Variants in SCN8A observed in about 807,000 individuals in gnomAD.
SCN8A encodes sodium voltage-gated channel alpha subunit 8.
SCN8A carries 30 observed loss-of-function variants against 184.1 expected under a neutral mutation model. The observed-to-expected ratio is 0.16, with a 90% CI of 0.12 to 0.22. The LOEUF (loss-of-function observed/expected upper bound fraction) is 0.22, where lower values mean the gene tolerates loss of function less well. SCN8A is among the 10% of genes least tolerant of loss of function. The probability of loss-of-function intolerance (pLI) is 1.00; values close to 1 mark genes in which losing one functional copy is unlikely to be tolerated. For synonymous variants in SCN8A, 852 were observed against 907.0 expected (o/e 0.94, Z 1.09); for missense variants, 1,057 against 2,498.9 (o/e 0.42, Z 12.30).
chr12:51,764,020 T>C (rs1942800723), intron 15 of SCN8A, among the ~76,000 whole-genome samples: 1 of 152,164 alleles, frequency 6.6e-6, no homozygotes, highest in South Asian at 2.1e-4. Flanking sequence ...CAGTGGACTT[T>C]TTTGAGAATA....
chr12:51,623,155 C>G (rs1939999468), intron 1 of SCN8A, among the ~76,000 whole-genome samples: 1 of 151,972 alleles, frequency 6.6e-6, no homozygotes, highest in Non-Finnish European at 1.5e-5. Flanking sequence ...TCTAAAGAGC[C>G]CTAGTTCTTT....
At chr12:51,700,475 G>T (rs193097263) in intron 7 of SCN8A, among the ~76,000 whole-genome samples, 16 of 152,240 alleles carry the variant, frequency 1.1e-4, no homozygotes, top group Non-Finnish European at 2.2e-4. Context: ...TATTGCAGTC[G>T]ATCTAGTCTA....
intron 25 of SCN8A, among the ~76,000 whole-genome samples, chr12:51,791,743 G>T (rs983138515): frequency 6.6e-6 from 1 of 152,108 alleles, no homozygotes; most frequent in Admixed American, 6.5e-5. Flanking sequence ...GCTGGGCGTG[G>T]TTATGTGTAC....
chr12:51,721,903 C>G lies in SCN8A; in HGVS notation c.1993C>G (p.Pro665Ala), dbSNP rs1001305322. The G allele has an allele frequency of 6.2e-7, 1 of 1,600,138 alleles. No individual in the cohort carries two copies. Among genetic ancestry groups the G allele is most frequent in the Admixed American group, 1.7e-5 (1 of 60,026 alleles). The change falls in exon 12 of 27, where the codon CCA (proline) becomes GCA (alanine). Residue 665 changes from proline to alanine, a missense_variant. This residue lies in a region of SCN8A where 322 missense variants were observed against 390.1 expected (regional missense o/e 0.83). Coordinates refer to ENST00000627620, the MANE Select transcript of SCN8A (RefSeq NM_001330260.2). ...PGSHIGGRLL[P>A]EATTEVEIKK... ...CTCCCACATCGGCGGGCGTCTCCTG[C>G]CAGAGGTGAAAATTGATAAGGCAGC...
At chr12:51,617,002 G>A (rs984618578) in intron 1 of SCN8A, among the ~76,000 whole-genome samples, 1 of 151,680 alleles carries the variant, frequency 6.6e-6, no homozygotes. Flanking sequence ...TTCCCTATGT[G>A]TAATGTATCC....
intron 6 of SCN8A, among the ~76,000 whole-genome samples, chr12:51,693,772 G>A (rs1941549430): frequency 6.6e-6 from 1 of 152,168 alleles, no homozygotes; most frequent in Non-Finnish European, 1.5e-5. Flanking sequence ...CAGGGCAGTT[G>A]TTCTTTCCCT....
At chr12:51,745,829 G>GA in intron 12 of SCN8A, 74 bp from the exon 13 acceptor site, 3 of 1,269,136 alleles carry the variant, frequency 2.4e-6, no homozygotes, top group Middle Eastern at 2.0e-4. Context: ...ACTGGACTGT[G>GA]TATCAAGTAA....
At chr12:51,599,291 A>C (rs1256557911) in intron 1 of SCN8A, among the ~76,000 whole-genome samples, 1 of 152,214 alleles carries the variant, frequency 6.6e-6, no homozygotes, top group Non-Finnish European at 1.5e-5. Context: ...TTGATGATTA[A>C]AAAGTTGGAA....
At chr12:51,680,427 T>G (rs1274683001) in intron 2 of SCN8A, among the ~76,000 whole-genome samples, 4 of 152,182 alleles carry the variant, frequency 2.6e-5, no homozygotes, top group Non-Finnish European at 5.9e-5. Context: ...TGATCCTAAT[T>G]CAGAATCCTA....
intron 16 of SCN8A, chr12:51,768,164 T>G (rs1428080788): frequency 1.3e-5 from 2 of 152,116 alleles, no homozygotes; most frequent in Non-Finnish European, 2.9e-5. Flanking sequence ...CCTCTCCCAC[T>G]CCTAAAAAGT....
chr12:51,663,970 C>T lies in SCN8A; in HGVS notation c.276+877C>T, dbSNP rs371336363. ...TGTCGCCCAGGCTGGAGTGCAGTGG[C>T]GTGATCTCAGCTCACTGCAACCTCC... is the stretch of plus-strand genomic sequence containing the variant. On this transcript the variant is annotated intron_variant, in intron 2 of 26. Transcript: ENST00000627620. 8.0e-4 allele frequency among the ~76,000 whole-genome samples: 99 copies of T among 124,030 alleles called. 1 individual carries two copies. Among genetic ancestry groups the T allele is most frequent in the African/African-American group, 2.5e-3 (82 of 33,024 alleles). The allele number at this position is 124,030 out of a possible 152,430, so 81.4% of individuals were successfully genotyped here.
At chr12:51,748,294 G>T (rs572778886) in intron 13 of SCN8A, among the ~76,000 whole-genome samples, 1 of 152,228 alleles carries the variant, frequency 6.6e-6, no homozygotes, top group African/African-American at 2.4e-5. Flanking sequence ...AAACCCAAGA[G>T]GCAGGCTACG....
In SCN8A at chr12:51,635,111, C is replaced by T. The variant is rs966032165; in HGVS notation, c.-54-27653C>T. Among the ~76,000 whole-genome samples the T allele has an allele frequency of 2.6e-5, 4 of 152,292 alleles. No homozygotes were observed. In the South Asian group the frequency reaches 8.3e-4, roughly 32 times the overall value. On this transcript the variant is annotated intron_variant, in intron 1 of 26. Transcript: ENST00000627620. ...GCTAGAGACAGACTGGATCAAACTG[C>T]AGAGAAATAAACAATTTTGATTTGT...
intron 13 of SCN8A, among the ~76,000 whole-genome samples, chr12:51,750,672 C>T (rs939258783): frequency 1.8e-4 from 28 of 152,330 alleles, no homozygotes; most frequent in African/African-American, 6.7e-4. Flanking sequence ...TTCCATGGCA[C>T]TTTCTATCTG....
chr12:51,728,215 G>C (rs958082766), intron 12 of SCN8A, among the ~76,000 whole-genome samples: 3 of 152,126 alleles, frequency 2.0e-5, no homozygotes, highest in Non-Finnish European at 4.4e-5. Context: ...CTCTCTTCAT[G>C]AATCAGCCTA....
At chr12:51,725,408 TCTTC>T (rs1375858062) in intron 12 of SCN8A, among the ~76,000 whole-genome samples, 1 of 152,230 alleles carries the variant, frequency 6.6e-6, no homozygotes, top group Non-Finnish European at 1.5e-5. Context: ...TGGACTTTTT[TCTTC>T]CTTATACTTT....
At chr12:51,787,907 A>G (rs1270601032) in intron 22 of SCN8A, among the ~76,000 whole-genome samples, 1 of 152,234 alleles carries the variant, frequency 6.6e-6, no homozygotes, top group African/African-American at 2.4e-5. Flanking sequence ...GCATTGGAGC[A>G]TCTCCAGAAA....
chr12:51,627,986 C>G (rs1940117245), intron 1 of SCN8A, among the ~76,000 whole-genome samples: 1 of 152,120 alleles, frequency 6.6e-6, no homozygotes, highest in Non-Finnish European at 1.5e-5. Context: ...GAGACTAATG[C>G]TAAAGCAGGA....
intron 1 of SCN8A, among the ~76,000 whole-genome samples, chr12:51,641,046 A>G (rs1244092480): frequency 6.6e-6 from 1 of 152,220 alleles, no homozygotes; most frequent in African/African-American, 2.4e-5. Flanking sequence ...GGCTCTCCAT[A>G]TATGTAGTTT....
Sources: gnomAD v4.1 joint callset for allele counts (sites outside exome capture counted in the v4.1 genomes callset) on GRCh38, gnomAD v4.1.1 for gene constraint, gnomAD v4.1.1 regional missense constraint, MANE v1.5 for transcripts, NCBI Gene and HGNC (gene_info 2026-07-23, HGNC 2026-07-21) for gene names.